Variants in APPBP2 observed in about 807,000 individuals in gnomAD.
The protein encoded by APPBP2 is amyloid protein-binding protein 2.
In APPBP2, 15 loss-of-function variants were observed where a neutral mutation model predicts 76.0. The observed-to-expected ratio is 0.20, with a 90% CI of 0.13 to 0.30. The LOEUF is 0.30. Ranked by LOEUF, APPBP2 falls within the 10% of genes least tolerant of loss-of-function variation. The pLI is 1.00. For missense variants in APPBP2, 401 were observed against 687.2 expected (o/e 0.58, Z 4.66); for synonymous variants, 222 against 242.2 (o/e 0.92, Z 0.77).
rs541909075 is a variant in APPBP2 at position 60,449,375 on chromosome 17, T to A, written c.1505-1541A>T. On this transcript the variant is annotated intron_variant, in intron 12 of 12. Transcript: ENST00000083182. ...GGGAGGCCCAGGCGGGCAGGCTGCC[T>A]GAGGTCAGAAGTTCGAGACCAACCT... is the stretch of plus-strand genomic sequence containing the variant. 3.7e-3 allele frequency among the ~76,000 whole-genome samples: 569 copies of A among 152,300 alleles called. 2 individuals carry two copies. Among genetic ancestry groups the A allele is most frequent in the African/African-American group, 0.013 (549 of 41,568 alleles).
At chr17:60,512,606 G>A (rs1285114375) in intron 1 of APPBP2, among the ~76,000 whole-genome samples, 1 of 151,500 alleles carries the variant, frequency 6.6e-6, no homozygotes, top group Non-Finnish European at 1.5e-5. Context: ...GGAGGCTGAG[G>A]CGGGAGGATC....
chr17:60,483,099 G>T (rs190348005), intron 3 of APPBP2, among the ~76,000 whole-genome samples: 16 of 152,196 alleles, frequency 1.1e-4, no homozygotes, highest in Admixed American at 4.6e-4. Context: ...CCTGTTTCCT[G>T]ATTTTTTAAT....
chr17:60,473,648 C>A (rs1422777819), intron 4 of APPBP2, among the ~76,000 whole-genome samples: 2 of 152,108 alleles, frequency 1.3e-5, no homozygotes, highest in Admixed American at 6.6e-5. Context: ...GGTCCCTTTT[C>A]TATTAAAAAC....
intron 4 of APPBP2, among the ~76,000 whole-genome samples, chr17:60,470,199 G>A (rs1227490594): frequency 6.6e-6 from 1 of 151,844 alleles, no homozygotes; most frequent in Admixed American, 6.6e-5. Context: ...ATCTTTTCAT[G>A]TGCTTACCGG....
chr17:60,512,873 CA>C (rs570191751), intron 1 of APPBP2, among the ~76,000 whole-genome samples: 3 of 85,484 alleles, frequency 3.5e-5, no homozygotes, highest in African/African-American at 1.3e-4. Context: ...AAAGAAACGA[CA>C]AAAAAAAAGA....
At chr17:60,448,618 C>T (rs918014501) in intron 12 of APPBP2, among the ~76,000 whole-genome samples, 1 of 152,182 alleles carries the variant, frequency 6.6e-6, no homozygotes, top group East Asian at 1.9e-4. Flanking sequence ...TATGTAGCTG[C>T]AAACTGATGG....
At chr17:60,474,055 T>A (rs960828783) in intron 4 of APPBP2, among the ~76,000 whole-genome samples, 6 of 152,210 alleles carry the variant, frequency 3.9e-5, no homozygotes, top group Admixed American at 3.3e-4. Flanking sequence ...CAGAACTGAA[T>A]TACTCCATCA....
At chr17:60,513,620 G>C (rs1226372129) in intron 1 of APPBP2, 1 of 278,402 alleles carries the variant, frequency 3.6e-6, no homozygotes, top group Non-Finnish European at 6.8e-6. Flanking sequence ...CCAGCACTTT[G>C]AGAGGCCAAA....
chr17:60,489,657 T>C (rs2090710562), intron 3 of APPBP2, among the ~76,000 whole-genome samples: 1 of 149,618 alleles, frequency 6.7e-6, no homozygotes, highest in African/African-American at 2.5e-5. Context: ...TTAAAAGTTG[T>C]TGGGAAGGAT....
intron 1 of APPBP2, among the ~76,000 whole-genome samples, chr17:60,501,093 T>C (rs1396486995): frequency 1.3e-5 from 2 of 152,122 alleles, no homozygotes; most frequent in Non-Finnish European, 2.9e-5. Flanking sequence ...GGAGGGAGTA[T>C]TGCTTGAGGC....
Position 60,445,658 on chromosome 17 carries a change from C to T in APPBP2, c.*1923G>A, listed in dbSNP as rs376972404. The T allele has an allele frequency of 1.3e-5, 2 of 151,420 alleles. No homozygotes were observed. The highest frequency in any genetic ancestry group is 3.9e-4 in the East Asian group (2 of 5,176). 9.4% of individuals were successfully genotyped at this position (151,420 alleles called of 1,614,324 possible). On this transcript the variant is annotated 3_prime_UTR_variant, in exon 13 of 13. Transcript: ENST00000083182. ...AAATGTTAGTCCTTGGTCACAAAGA[C>T]TATTTGGTAATTAATAAAGAAGTGC...
At position 60,471,579 on chromosome 17, in the gene APPBP2, GT is replaced by G. The variant is rs749513377; in HGVS notation, c.504-5121del. 8.2e-3 allele frequency among the ~76,000 whole-genome samples: 1,170 copies of G among 142,430 alleles called. 11 individuals are homozygous for G. Among genetic ancestry groups the G allele is most frequent in the Middle Eastern group, 0.011 (3 of 272 alleles). The allele number at this position is 142,430 out of a possible 152,430, so 93.4% of individuals were successfully genotyped here. A position where few individuals can be genotyped will look rare whatever the true frequency, so the allele number is the denominator to read the frequency against. ...TTTCTGTGTCAACTGAGATAACTGG[GT>G]TTTTTTTTTTTCCCTTCATCCTATT... On this transcript the variant is annotated intron_variant, in intron 4 of 12. Coordinates refer to ENST00000083182, the MANE Select transcript of APPBP2 (RefSeq NM_006380.5).
At chr17:60,510,913 T>C (rs1275619194) in intron 1 of APPBP2, among the ~76,000 whole-genome samples, 4 of 151,994 alleles carry the variant, frequency 2.6e-5, no homozygotes, top group Admixed American at 2.6e-4. Flanking sequence ...ATGATGATGA[T>C]GTCACTAGGT....
chr17:60,456,291 G>C lies in APPBP2; in HGVS notation c.1147+5C>G, dbSNP rs767563832. 1 of 1,572,506 alleles carries C rather than the reference G, an allele frequency of 6.4e-7. No individual in the cohort carries two copies. Among genetic ancestry groups the C allele is most frequent in the Non-Finnish European group, 8.7e-7 (1 of 1,142,908 alleles). ...AAATATCTGAGACTAGATTACAAAG[G>C]ATACCTTTCACCCTCTTTGAAGAAG... On this transcript the variant is annotated splice_donor_5th_base_variant and intron_variant, in intron 10 of 12. Coordinates refer to ENST00000083182, the MANE Select transcript of APPBP2 (RefSeq NM_006380.5).
At chr17:60,459,760 G>C (rs2090463107) in intron 9 of APPBP2, 1 of 152,498 alleles carries the variant, frequency 6.6e-6, no homozygotes, top group African/African-American at 2.4e-5. Context: ...CCAAAGTGCT[G>C]AGATTACAGG....
chr17:60,447,936 C>T, intron 12 of APPBP2, 102 bp from the exon 13 acceptor site: 1 of 1,129,152 alleles, frequency 8.9e-7, no homozygotes, highest in Non-Finnish European at 1.2e-6. Context: ...AACAGGGTGG[C>T]TTAGGTTTAT....
At chr17:60,481,630 T>C (rs2090630024) in intron 3 of APPBP2, among the ~76,000 whole-genome samples, 1 of 152,198 alleles carries the variant, frequency 6.6e-6, no homozygotes, top group African/African-American at 2.4e-5. Flanking sequence ...CTTGTAATAT[T>C]GACCCTAGAA....
chr17:60,469,912 A>G (rs533837993), intron 4 of APPBP2, among the ~76,000 whole-genome samples: 1 of 152,332 alleles, frequency 6.6e-6, no homozygotes, highest in East Asian at 1.9e-4. Flanking sequence ...TTGCTGAGTC[A>G]TACAGTAATT....
chr17:60,453,702 GCTAA>G (rs2090412970), intron 11 of APPBP2, among the ~76,000 whole-genome samples: 1 of 151,472 alleles, frequency 6.6e-6, no homozygotes, highest in Admixed American at 6.6e-5. Flanking sequence ...ACCATGTCTG[GCTAA>G]CTTTTTCTTT....
Sources: allele counts gnomAD v4.1 joint callset (sites outside exome capture counted in the v4.1 genomes callset), GRCh38; gene constraint gnomAD v4.1.1; transcripts MANE v1.5; gene names NCBI Gene and HGNC (gene_info 2026-07-23, HGNC 2026-07-21).